The following FHIT variants were observed in gnomAD, a reference collection of about 807,000 sequenced individuals.
FHIT encodes bis(5'-adenosyl)-triphosphatase.
A neutral mutation model predicts 17.9 loss-of-function variants in FHIT; 19 were observed. The ratio of observed to expected loss-of-function variants is 1.06; its 90% confidence interval spans 0.74 to 1.56. The LOEUF (loss-of-function observed/expected upper bound fraction) is 1.56. Among genes scored for constraint, FHIT ranks in the 40% most tolerant of loss-of-function variants. FHIT has a pLI of 0.00. For synonymous variants in FHIT, 81 were observed against 69.7 expected (o/e 1.16, Z -0.81); for missense variants, 248 against 189.2 (o/e 1.31, Z -1.82).
chr3:60,571,063 C>G (rs896314070), intron 4 of FHIT, among the ~76,000 whole-genome samples: 1 of 152,036 alleles, frequency 6.6e-6, no homozygotes, highest in African/African-American at 2.4e-5. Context: ...CACAGTGGCT[C>G]TCACCTGTAA....
At chr3:59,869,372 A>C (rs189263898) in intron 8 of FHIT, among the ~76,000 whole-genome samples, 1 of 152,084 alleles carries the variant, frequency 6.6e-6, no homozygotes, top group East Asian at 1.9e-4. Context: ...TACATTTCCC[A>C]ATTTAGACTT....
intron 5 of FHIT, among the ~76,000 whole-genome samples, chr3:60,408,154 A>G (rs1019092666): frequency 2.6e-5 from 4 of 152,206 alleles, no homozygotes; most frequent in Admixed American, 2.6e-4. Flanking sequence ...TTCTATAAAC[A>G]TTCTTTTCAA....
intron 5 of FHIT, among the ~76,000 whole-genome samples, chr3:60,137,071 T>TTGTTTCACAGGTAGTAAGAACTAACAA (rs1699846063): frequency 6.6e-6 from 1 of 152,230 alleles, no homozygotes; most frequent in East Asian, 1.9e-4. Context: ...AACAATTTTC[T>TTGTTTCACAGGTAGTAAGAACTAACAA]ATTTCAAAAT....
chr3:60,861,569 A>G (rs1245734336), intron 3 of FHIT, among the ~76,000 whole-genome samples: 3 of 151,986 alleles, frequency 2.0e-5, no homozygotes, highest in African/African-American at 7.3e-5. Context: ...CACACTGGCC[A>G]AAACATCACC....
intron 4 of FHIT, among the ~76,000 whole-genome samples, chr3:60,614,123 A>T (rs2038868636): frequency 6.6e-6 from 1 of 152,138 alleles, no homozygotes; most frequent in African/African-American, 2.4e-5. Context: ...CTGAAGATGG[A>T]TATTAGGAAG....
intron 5 of FHIT, among the ~76,000 whole-genome samples, chr3:60,186,804 T>C (rs1415692588): frequency 6.9e-6 from 1 of 144,252 alleles, no homozygotes; most frequent in African/African-American, 2.5e-5. Flanking sequence ...ATGGATGTTT[T>C]TATTGTATTT....
chr3:60,839,887 T>C (rs1348364955), intron 3 of FHIT, among the ~76,000 whole-genome samples: 2 of 152,186 alleles, frequency 1.3e-5, no homozygotes, highest in Non-Finnish European at 2.9e-5. Context: ...ATAAAAAGTG[T>C]CTATGTGATA....
chr3:60,590,815 T>C (rs1331088310), intron 4 of FHIT, among the ~76,000 whole-genome samples: 2 of 152,042 alleles, frequency 1.3e-5, no homozygotes, highest in Non-Finnish European at 2.9e-5. Flanking sequence ...ACTGAACTGA[T>C]GACTTAAACG....
intron 4 of FHIT, among the ~76,000 whole-genome samples, chr3:60,790,847 C>T (rs1700754481): frequency 6.6e-6 from 1 of 152,138 alleles, no homozygotes; most frequent in Admixed American, 6.5e-5. Flanking sequence ...TCAATTATAA[C>T]AAATGTGTCA....
At chr3:60,890,221 T>TAAAAAAAAAAAAAAAAAAAAAAAAAA (rs59950717) in intron 3 of FHIT, among the ~76,000 whole-genome samples, 9 of 115,656 alleles carry the variant, frequency 7.8e-5, no homozygotes, top group African/African-American at 2.3e-4. Flanking sequence ...TTCCATGATG[T>TAAAAAAAAAAAAAAAAAAAAAAAAAA]AAAAAAAAAA....
intron 5 of FHIT, among the ~76,000 whole-genome samples, chr3:60,486,987 A>G (rs762791813): frequency 6.6e-6 from 1 of 152,220 alleles, no homozygotes; most frequent in African/African-American, 2.4e-5. Context: ...CAACCCTGCC[A>G]CAAGCAGACT....
intron 2 of FHIT, among the ~76,000 whole-genome samples, chr3:61,117,926 G>T (rs1280463947): frequency 6.6e-6 from 1 of 152,156 alleles, no homozygotes; most frequent in Non-Finnish European, 1.5e-5. Context: ...GTGGCAAACA[G>T]GATGGGGCAC....
chr3:60,866,777 A>G (rs1237053627), intron 3 of FHIT, among the ~76,000 whole-genome samples: 1 of 152,184 alleles, frequency 6.6e-6, no homozygotes, highest in East Asian at 1.9e-4. Flanking sequence ...TCTCACAATT[A>G]TCAGGAGATA....
chr3:60,714,539 T>C (rs1313177917), intron 4 of FHIT, among the ~76,000 whole-genome samples: 4 of 152,284 alleles, frequency 2.6e-5, no homozygotes, highest in East Asian at 1.9e-4. Flanking sequence ...AAAACCCCAT[T>C]GCCTCAGCCC....
At chr3:60,515,222 G>A (rs1432609395) in intron 5 of FHIT, among the ~76,000 whole-genome samples, 1 of 152,182 alleles carries the variant, frequency 6.6e-6, no homozygotes, top group Non-Finnish European at 1.5e-5. Context: ...ACCAACTGTA[G>A]GCCTGATGTG....
intron 4 of FHIT, among the ~76,000 whole-genome samples, chr3:60,776,985 C>G (rs1023370988): frequency 6.6e-6 from 1 of 152,100 alleles, no homozygotes; most frequent in African/African-American, 2.4e-5. Flanking sequence ...GTAAATTGAG[C>G]GTTGAAGTAA....
intron 1 of FHIT, among the ~76,000 whole-genome samples, chr3:61,225,661 G>A (rs535817176): frequency 6.6e-6 from 1 of 152,284 alleles, no homozygotes; most frequent in East Asian, 1.9e-4. Flanking sequence ...TCCTTTGCCT[G>A]TTTCATAAAT....
At chr3:61,114,738 C>T (rs12491643) in intron 2 of FHIT, among the ~76,000 whole-genome samples, 14,683 of 152,110 alleles carry the variant, frequency 0.097, 770 homozygotes, top group South Asian at 0.19. Context: ...TTCCCATCCC[C>T]GAGCAGTCCC....
At chr3:60,349,467 A>G (rs1176241078) in intron 5 of FHIT, among the ~76,000 whole-genome samples, 1 of 152,172 alleles carries the variant, frequency 6.6e-6, no homozygotes, top group African/African-American at 2.4e-5. Context: ...AATGCTTGCT[A>G]TTTTGCCTAA....
Sources: allele counts gnomAD v4.1 joint callset (sites outside exome capture counted in the v4.1 genomes callset), GRCh38; gene constraint gnomAD v4.1.1; transcripts MANE v1.5; gene names NCBI Gene and HGNC (gene_info 2026-07-23, HGNC 2026-07-21).